Variants in DMAC2 observed in about 807,000 individuals in gnomAD.
DMAC2 encodes distal membrane arm assembly component 2, also known as distal membrane-arm assembly complex protein 2.
DMAC2 carries 32 observed loss-of-function variants against 29.6 expected under a neutral mutation model. The ratio of observed to expected loss-of-function variants is 1.08; its 90% CI spans 0.81 to 1.45. The LOEUF (loss-of-function observed/expected upper bound fraction) is 1.45, where lower values mean the gene tolerates loss of function less well. Ranked by LOEUF, DMAC2 falls within the 40% of genes most tolerant of loss-of-function variation. DMAC2 has a pLI of 0.00. For missense variants in DMAC2, 319 were observed against 340.0 expected, an observed-to-expected ratio of 0.94 and a Z score of 0.49; for synonymous variants, 133 against 137.4, an observed-to-expected ratio of 0.97 and a Z score of 0.23.
chr19:41,432,634 GTA>G, intron 5 of DMAC2: 2 of 518,296 alleles, frequency 3.9e-6, no homozygotes. Context: ...GTGTGTGTGT[GTA>G]GGGAGGTACA....
intron 2 of DMAC2, among the ~76,000 whole-genome samples, chr19:41,437,101 TA>T (rs1484012929): frequency 6.6e-6 from 1 of 152,114 alleles, no homozygotes; most frequent in African/African-American, 2.4e-5. Context: ...TTGTAGATTA[TA>T]AAAAACTATG....
intron 3 of DMAC2, 125 bp from the exon 4 acceptor site, chr19:41,433,798 TAGAAAA>T: frequency 1.5e-6 from 2 of 1,337,592 alleles, no homozygotes; most frequent in Non-Finnish European, 2.1e-6. Context: ...AATTCCATCT[TAGAAAA>T]AGACTCCATC....
At position 41,431,690 on chromosome 19, in the gene DMAC2, C is replaced by T. The variant is rs566645634; in HGVS notation, c.*541G>A. ...AGCTTATCCCCTTTCAAAAAACAGC[C>T]AACTGAAAAAGCTGAATTTGGAACA... On this transcript the variant is annotated 3_prime_UTR_variant, in exon 6 of 6. Coordinates refer to ENST00000221943, the MANE Select transcript of DMAC2 (RefSeq NM_018035.3). The T allele has an allele frequency of 3.2e-4, 73 of 228,676 alleles. No homozygotes were observed. The highest frequency in any genetic ancestry group is 1.6e-3 in the African/African-American group (70 of 43,438). 14.2% of individuals were successfully genotyped at this position (228,676 alleles called of 1,614,324 possible). A position where few individuals can be genotyped will look rare whatever the true frequency, so the allele number is the denominator to read the frequency against.
chr19:41,431,580 T>G lies in DMAC2; in HGVS notation c.*651A>C. On this transcript the variant is annotated 3_prime_UTR_variant, in exon 6 of 6. Transcript: ENST00000221943. ...TGGGGAAGCCACATGCACTGCGGCG[T>G]CCAGAGGCAGAAGCACAACCAACAA... 2 of 312,200 alleles carry G rather than the reference T, an allele frequency of 6.4e-6. No homozygotes were observed. Among genetic ancestry groups the G allele is most frequent in the Non-Finnish European group, 1.3e-5 (2 of 159,722 alleles). The allele number at this position is 312,200 out of a possible 1,614,324, so 19.3% of individuals were successfully genotyped here. A position where few individuals can be genotyped will look rare whatever the true frequency, so the allele number is the denominator to read the frequency against.
intron 1 of DMAC2, among the ~76,000 whole-genome samples, chr19:41,438,736 C>T (rs1568528796): frequency 6.6e-6 from 1 of 152,062 alleles, no homozygotes; most frequent in Non-Finnish European, 1.5e-5. Flanking sequence ...CACAGATTTG[C>T]CCCTTAATTA....
At chr19:41,432,900 A>ATG (rs149263342) in intron 5 of DMAC2, 2 of 503,352 alleles carry the variant, frequency 4.0e-6, no homozygotes, top group Non-Finnish European at 3.5e-6. Flanking sequence ...GCATGCGTGC[A>ATG]TGTGTGTGTG....
In DMAC2 at chr19:41,438,299, A is replaced by G. The variant is rs1301092941; in HGVS notation, c.134T>C (p.Leu45Pro). 2 of 1,614,144 alleles carry G rather than the reference A, an allele frequency of 1.2e-6. No individual in the cohort carries two copies. The highest frequency in any genetic ancestry group is 2.7e-5 in the African/African-American group (2 of 74,958). The change falls in exon 2 of 6, where the codon CTG becomes CCG. Residue 45 changes from leucine to proline, a missense_variant. Physicochemically the swap from Leu to Pro is moderately conservative, Grantham distance 98. Transcript: ENST00000221943. The stretch of plus-strand genomic sequence containing the variant: ...CTCCACATCGTAGAAATAGTTGGTC[A>G]GGAACTGGAGTATTGTCCTTTTCTT... ...QKKKRTILQFLTNYFYDVEAL... is the reference protein window; with the variant it reads ...QKKKRTILQFPTNYFYDVEAL...
At position 41,439,611 on chromosome 19, in the gene DMAC2, G is replaced by A. The variant is rs1665454309; in HGVS notation, c.18+271C>T. 5 of 1,491,640 alleles carry A rather than the reference G, an allele frequency of 3.4e-6. No individual in the cohort carries two copies. The South Asian group carries it at 5.0e-5, about 15-fold the overall frequency. The allele number at this position is 1,491,640 out of a possible 1,614,324, so 92.4% of individuals were successfully genotyped here. A position where few individuals can be genotyped will look rare whatever the true frequency, so the allele number is the denominator to read the frequency against. ...CTCCCTCTGATTGGTTAGTCGCGTC[G>A]CTCTTCGGCAGCCACTCCCTCATCC... On this transcript the variant is annotated intron_variant, in intron 1 of 5. Coordinates refer to ENST00000221943, the MANE Select transcript of DMAC2 (RefSeq NM_018035.3).
intron 1 of DMAC2, 117 bp downstream of exon 1, chr19:41,439,765 C>G: frequency 1.3e-6 from 2 of 1,543,258 alleles, no homozygotes; most frequent in South Asian, 2.2e-5. Flanking sequence ...CGGGGCTTGC[C>G]AGGCTTAGCC....
At position 41,438,280 on chromosome 19, in the gene DMAC2, A is replaced by G. The variant is rs2039972918; in HGVS notation, c.153T>C (p.Asp51=). 1.9e-6 allele frequency: 3 copies of G among 1,614,260 alleles called. No homozygotes were observed. Among genetic ancestry groups the G allele is most frequent in the South Asian group, 1.1e-5 (1 of 91,092 alleles). ...ILQFLTNYFY[D]VEALRDYLLQ... ...GCAAGTAATCCCTCAGAGCCTCCAC[A>G]TCGTAGAAATAGTTGGTCAGGAACT... Residue 51 remains aspartate, a synonymous_variant, in exon 2 of 6, where the codon GAT becomes GAC. Transcript: ENST00000221943.
chr19:41,436,418 G>A lies in DMAC2; in HGVS notation c.270C>T (p.Phe90=). The change falls in exon 3 of 6, where the codon TTC becomes TTT. Residue 90 remains phenylalanine (F), a synonymous_variant. Transcript: ENST00000221943. ...QHGPYGAGAF[F]ILKQGGAVKF... ...TGACTGCGCCTCCCTGCTTCAGGAT[G>A]AAAAAGGCACCTGCGCCGTATGGAC... 6.2e-7 allele frequency: 1 copy of A among 1,614,144 alleles called. No individual in the cohort carries two copies. The highest frequency in any genetic ancestry group is 1.1e-5 in the South Asian group (1 of 91,088).
Position 41,436,274 on chromosome 19 carries a change from ACAGC to A in DMAC2, c.296+114_296+117del, listed in dbSNP as rs1447768895. The stretch of plus-strand genomic sequence containing the variant: ...AGCTCAGGAACAAGTCCCAAGCCAC[ACAGC>A]CAGGAGGCGGCAGAGACCAGGGGAC... On this transcript the variant is annotated intron_variant, in intron 3 of 5. Coordinates refer to ENST00000221943, the MANE Select transcript of DMAC2 (RefSeq NM_018035.3). 2.2e-5 allele frequency: 18 copies of A among 830,764 alleles called. No individual in the cohort carries two copies. In the East Asian group the frequency reaches 4.4e-4, roughly 20 times the overall value. The allele number at this position is 830,764 out of a possible 1,614,324, so 51.5% of individuals were successfully genotyped here.
At chr19:41,438,094 G>A in intron 2 of DMAC2, 124 bp downstream of exon 2, 1 of 878,234 alleles carries the variant, frequency 1.1e-6, no homozygotes, top group Non-Finnish European at 1.8e-6. Flanking sequence ...GCCTGGAGAT[G>A]GAGCTGCAAG....
At chr19:41,436,505 TG>T in intron 2 of DMAC2, 33 bp from the exon 3 acceptor site, 1 of 1,587,958 alleles carries the variant, frequency 6.3e-7, no homozygotes. Flanking sequence ...GGGTGAGGCC[TG>T]GGGAGCACCA....
intron 2 of DMAC2, 129 bp downstream of exon 2, chr19:41,438,089 G>C (rs764209252): frequency 2.4e-6 from 2 of 845,666 alleles, no homozygotes; most frequent in Non-Finnish European, 3.8e-6. Flanking sequence ...GTACAGCCTG[G>C]AGATGGAGCT....
chr19:41,439,722 G>A, intron 1 of DMAC2, 160 bp downstream of exon 1: 1 of 1,338,632 alleles, frequency 7.5e-7, no homozygotes, highest in East Asian at 2.5e-5. Context: ...ATCCTTCCTG[G>A]CCCCCACTAG....
rs1179057564 is a variant in DMAC2, at chr19:41,432,562, TGTGTGC to T, written c.597-160_597-155del. ...GTGTGTATAGGGAGGTACAGGACAG[TGTGTGC>T]GTGTGTGTGTGTGTGTGTGTATAGG... On this transcript the variant is annotated intron_variant, in intron 5 of 5. Coordinates refer to ENST00000221943, the MANE Select transcript of DMAC2 (RefSeq NM_018035.3). The T allele has an allele frequency of 9.9e-6, 6 of 605,736 alleles. No individual in the cohort carries two copies. In the African/African-American group the frequency reaches 1.3e-4, roughly 13 times the overall value. 37.5% of individuals were successfully genotyped at this position (605,736 alleles called of 1,614,324 possible). A position where few individuals can be genotyped will look rare whatever the true frequency, so the allele number is the denominator to read the frequency against.
At chr19:41,432,588 T>C in intron 5 of DMAC2, 180 bp from the exon 6 acceptor site, 1 of 591,818 alleles carries the variant, frequency 1.7e-6, no homozygotes, top group Non-Finnish European at 3.0e-6. Flanking sequence ...TGTGTGTGTG[T>C]ATAGGGAGGT....
Position 41,432,568 on chromosome 19 carries a change from C to CGTGTGTGTGTGT in DMAC2, c.597-172_597-161dup, listed in dbSNP as rs149102482. Reference sequence around the variant, plus strand: ...ATAGGGAGGTACAGGACAGTGTGTGCGTGTGTGTGTGTGTGTGTGTATAGG... The same window carrying CGTGTGTGTGTGT: ...ATAGGGAGGTACAGGACAGTGTGTGCGTGTGTGTGTGTGTGTGTGTGTGTGTGTGTGTATAGG... On this transcript the variant is annotated intron_variant, in intron 5 of 5. Coordinates refer to ENST00000221943, the MANE Select transcript of DMAC2 (RefSeq NM_018035.3). 1.2e-5 allele frequency: 6 copies of CGTGTGTGTGTGT among 520,184 alleles called. No homozygotes were observed. In the East Asian group the frequency reaches 2.1e-4, roughly 18 times the overall value. The allele number at this position is 520,184 out of a possible 1,614,324, so 32.2% of individuals were successfully genotyped here.
Sources: allele counts gnomAD v4.1 joint callset (sites outside exome capture counted in the v4.1 genomes callset), GRCh38; gene constraint gnomAD v4.1.1; transcripts MANE v1.5; gene names NCBI Gene and HGNC (gene_info 2026-07-23, HGNC 2026-07-21).